Variants in ACTN4 observed in about 807,000 individuals in gnomAD.
ACTN4 encodes alpha-actinin-4.
A neutral mutation model predicts 114.2 loss-of-function variants in ACTN4; 18 were observed. The ratio of observed to expected loss-of-function variants is 0.16; its 90% confidence interval spans 0.11 to 0.23. The LOEUF (loss-of-function observed/expected upper bound fraction) is 0.23. ACTN4 is among the 10% of genes least tolerant of loss of function. ACTN4 has a pLI of 1.00. For missense variants in ACTN4, 722 were observed against 1,262.9 expected (o/e 0.57, Z 6.49); for synonymous variants, 515 against 506.3 (o/e 1.02, Z -0.23).
intron 2 of ACTN4, 141 bp downstream of exon 2, chr19:38,700,855 A>G (rs1224150444): frequency 3.6e-6 from 5 of 1,386,812 alleles, no homozygotes; most frequent in Non-Finnish European, 4.0e-6. Context: ...CGGTGGTCTG[A>G]TGGGTGGGGC....
In ACTN4 at chr19:38,729,712, G is replaced by A; in HGVS notation, c.*280G>A. 1 of 627,740 alleles carries A rather than the reference G, an allele frequency of 1.6e-6. No homozygotes were observed. Among genetic ancestry groups the A allele is most frequent in the Non-Finnish European group, 2.9e-6 (1 of 339,260 alleles). The allele number at this position is 627,740 out of a possible 1,614,324, so 38.9% of individuals were successfully genotyped here. On this transcript the variant is annotated 3_prime_UTR_variant, in exon 21 of 21. Transcript: ENST00000252699. ...CTTTTTTAACCAAGGAGGGGCCAGTGGATTCCCACAGCACAACCGGTCCCT... is the reference window on the plus strand; with the variant it reads ...CTTTTTTAACCAAGGAGGGGCCAGTAGATTCCCACAGCACAACCGGTCCCT...
chr19:38,663,763 T>A (rs966492427), intron 1 of ACTN4, among the ~76,000 whole-genome samples: 3 of 152,182 alleles, frequency 2.0e-5, no homozygotes, highest in African/African-American at 7.2e-5. Context: ...GGCCATGTCT[T>A]AGAACCTGTG....
chr19:38,727,129 C>G lies in ACTN4; in HGVS notation c.2337+26C>G, dbSNP rs374240053. 7 of 1,612,996 alleles carry G rather than the reference C, an allele frequency of 4.3e-6. No individual in the cohort carries two copies. The highest frequency in any genetic ancestry group is 1.3e-5 in the African/African-American group (1 of 74,920). ...GTGAGCAGCCTGCCACCTCCTCGGC[C>G]TCTCCCCTCCCGCCGTTGCCGTACC... is the stretch of plus-strand genomic sequence containing the variant. On this transcript the variant is annotated intron_variant, in intron 18 of 20. Coordinates refer to ENST00000252699, the MANE Select transcript of ACTN4 (RefSeq NM_004924.6). This position sits in a 1 kb window ranked among gnomAD's most constrained non-coding sequence, Gnocchi z 5.4.
rs1183687099 is a variant in ACTN4 at position 38,731,397 on chromosome 19, C to T, written c.*1965C>T. On this transcript the variant is annotated 3_prime_UTR_variant, in exon 21 of 21. Transcript: ENST00000252699. ...TCCCTTCAATCCTCTGGGCCTGTTT[C>T]CTCATCCATCAAACGGACTAAGACA... 4.8e-6 allele frequency: 3 copies of T among 625,484 alleles called. No individual in the cohort carries two copies. Among genetic ancestry groups the T allele is most frequent in the Non-Finnish European group, 8.7e-6 (3 of 344,584 alleles). The allele number at this position is 625,484 out of a possible 1,614,324, so 38.7% of individuals were successfully genotyped here.
intron 1 of ACTN4, among the ~76,000 whole-genome samples, chr19:38,676,125 T>G (rs1459935874): frequency 6.6e-6 from 1 of 151,650 alleles, no homozygotes; most frequent in Non-Finnish European, 1.5e-5. Context: ...ATATGGGAGT[T>G]ATTAGTTGAG....
intron 3 of ACTN4, 68 bp downstream of exon 3, chr19:38,701,189 C>G: frequency 1.2e-6 from 2 of 1,606,458 alleles, no homozygotes; most frequent in Non-Finnish European, 8.5e-7. Context: ...AGCACAACAT[C>G]TGCATCCTGA....
At chr19:38,674,580 T>A (rs1169105280) in intron 1 of ACTN4, among the ~76,000 whole-genome samples, 1 of 152,176 alleles carries the variant, frequency 6.6e-6, no homozygotes, top group African/African-American at 2.4e-5. Context: ...TCAGCTTCAC[T>A]TTACGTCAGT....
intron 1 of ACTN4, among the ~76,000 whole-genome samples, chr19:38,671,969 A>G (rs1967142276): frequency 6.6e-6 from 1 of 152,176 alleles, no homozygotes; most frequent in Non-Finnish European, 1.5e-5. Context: ...AATGCTTTGC[A>G]TTGCTCACTG....
chr19:38,722,774 G>A (rs1209864589), intron 12 of ACTN4, among the ~76,000 whole-genome samples: 1 of 152,236 alleles, frequency 6.6e-6, no homozygotes, highest in Non-Finnish European at 1.5e-5. Flanking sequence ...GTAGGAAACA[G>A]ACTTGAAATA....
chr19:38,680,897 G>A (rs140160706), intron 1 of ACTN4, among the ~76,000 whole-genome samples: 177 of 152,076 alleles, frequency 1.2e-3, no homozygotes, highest in African/African-American at 4.1e-3. Context: ...AGGCCAAGGC[G>A]GGTAGATCAC....
At chr19:38,728,106 A>T in intron 19 of ACTN4, 80 bp downstream of exon 19, 1 of 1,497,494 alleles carries the variant, frequency 6.7e-7, no homozygotes, top group Non-Finnish European at 9.1e-7. Context: ...TCCCCTCGCC[A>T]TCCCACCCCT....
intron 1 of ACTN4, among the ~76,000 whole-genome samples, chr19:38,650,737 G>GTTGT (rs578119525): frequency 0.016 from 2,459 of 152,156 alleles, 59 homozygotes; most frequent in African/African-American, 0.048. Flanking sequence ...GGCTGGCTGG[G>GTTGT]TTGTTTGTTT....
At chr19:38,693,161 A>G (rs561760683) in intron 1 of ACTN4, among the ~76,000 whole-genome samples, 2 of 152,270 alleles carry the variant, frequency 1.3e-5, no homozygotes, top group South Asian at 2.1e-4. Flanking sequence ...AATCTTGTCA[A>G]GCGTGGGGTC....
chr19:38,659,217 G>A (rs962392336), intron 1 of ACTN4, among the ~76,000 whole-genome samples: 1 of 151,596 alleles, frequency 6.6e-6, no homozygotes, highest in African/African-American at 2.4e-5. Flanking sequence ...TGCATTCCAC[G>A]CCCAGCTAGT....
intron 7 of ACTN4, among the ~76,000 whole-genome samples, 173 bp downstream of exon 7, chr19:38,709,649 C>T (rs926331295): frequency 1.3e-5 from 2 of 152,182 alleles, no homozygotes; most frequent in African/African-American, 2.4e-5. Context: ...ACAGCCATGT[C>T]GCCCTGGGAG....
At chr19:38,662,058 A>G (rs1313332296) in intron 1 of ACTN4, among the ~76,000 whole-genome samples, 2 of 152,094 alleles carry the variant, frequency 1.3e-5, no homozygotes, top group African/African-American at 4.8e-5. Context: ...AGTTGGAGTG[A>G]GGGTGGTTCT....
At chr19:38,652,883 C>G (rs1477820142) in intron 1 of ACTN4, among the ~76,000 whole-genome samples, 1 of 151,936 alleles carries the variant, frequency 6.6e-6, no homozygotes, top group Non-Finnish European at 1.5e-5. Context: ...GTCAGGAGTT[C>G]GAGACCAGCC....
chr19:38,725,834 G>A lies in ACTN4; in HGVS notation c.2121G>A (p.Leu707=), dbSNP rs935774786. 6.2e-6 allele frequency: 10 copies of A among 1,614,078 alleles called. No homozygotes were observed. The Admixed American group carries it at 1.0e-4, about 16-fold the overall frequency. Residue 707 remains leucine, a synonymous_variant, in exon 17 of 21, where the codon CTG becomes CTA. Coordinates refer to ENST00000252699, the MANE Select transcript of ACTN4 (RefSeq NM_004924.6). ...ACTACAAGCCCAACCTGGACCTGCT[G>A]GAGCAGCAGCACCAGCTCATCCAGG... ...IVDYKPNLDL[L]EQQHQLIQEA...
At chr19:38,705,106 C>T in intron 4 of ACTN4, 86 bp downstream of exon 4, 1 of 1,278,452 alleles carries the variant, frequency 7.8e-7, no homozygotes. Flanking sequence ...ATGCTTCAAG[C>T]CTCTTCCTGT....
Sources: gnomAD v4.1 joint callset for allele counts (sites outside exome capture counted in the v4.1 genomes callset) on GRCh38, gnomAD v4.1.1 for gene constraint, Gnocchi (gnomAD v3.1) non-coding constraint, MANE v1.5 for transcripts, NCBI Gene and HGNC (gene_info 2026-07-23, HGNC 2026-07-21) for gene names.